FAM81A: variants seen among roughly 807,000 people sequenced by gnomAD.
FAM81A encodes the protein protein FAM81A.
In FAM81A, 19 loss-of-function variants were observed where a neutral mutation model predicts 46.7. The observed-to-expected ratio is 0.41, with a 90% CI of 0.28 to 0.60. The LOEUF (loss-of-function observed/expected upper bound fraction) is 0.60. Ranked by LOEUF, FAM81A falls within the 20% of genes least tolerant of loss-of-function variation. FAM81A has a pLI of 0.34. For synonymous variants in FAM81A, 183 were observed against 152.9 expected (o/e 1.20, Z -1.45); for missense variants, 377 against 453.5 (o/e 0.83, Z 1.53).
chr15:59,453,869 C>T (rs916579272), intron 1 of FAM81A, among the ~76,000 whole-genome samples: 1 of 152,166 alleles, frequency 6.6e-6, no homozygotes, highest in Non-Finnish European at 1.5e-5. Context: ...CCTGCTACTC[C>T]AGCCAGATCC....
Position 59,507,144 on chromosome 15 carries a change from G to A in FAM81A, c.414-69G>A. ...TTGAGTGGGTTTTGCATTTCAGAGT[G>A]TATAAGGAAGCTTTTGCGCATTGTT... is the stretch of plus-strand genomic sequence containing the variant. On this transcript the variant is annotated intron_variant, in intron 4 of 8. Coordinates refer to ENST00000288228, the MANE Select transcript of FAM81A (RefSeq NM_152450.3). 10 of 1,540,114 alleles carry A rather than the reference G, an allele frequency of 6.5e-6. No homozygotes were observed. In the South Asian group the frequency reaches 1.2e-4, roughly 19 times the overall value.
chr15:59,485,436 T>C (rs1252114226), intron 3 of FAM81A, among the ~76,000 whole-genome samples: 1 of 152,174 alleles, frequency 6.6e-6, no homozygotes, highest in Non-Finnish European at 1.5e-5. Context: ...TTTGCTTGTT[T>C]GGGAGAAAGT....
intron 1 of FAM81A, among the ~76,000 whole-genome samples, chr15:59,399,037 C>T (rs1809504): frequency 0.13 from 19,302 of 152,010 alleles, 1,509 homozygotes; most frequent in Middle Eastern, 0.22. Context: ...GATGTGGTGG[C>T]GTGTGCCTGT....
rs375149121 is a variant in FAM81A at position 59,457,919 on chromosome 15, A to G, written c.-77-631A>G. 5.9e-5 allele frequency among the ~76,000 whole-genome samples: 9 copies of G among 152,322 alleles called. No individual in the cohort carries two copies. The East Asian group carries it at 1.7e-3, about 29-fold the overall frequency. On this transcript the variant is annotated intron_variant, in intron 1 of 8. Transcript: ENST00000288228. ...ATCCTCTAGTGTTTTTCACATTTCT[A>G]ATGAGTTGTGGGGACCAAATGTTCC... is the stretch of plus-strand genomic sequence containing the variant.
At chr15:59,501,399 A>G (rs537539894) in intron 4 of FAM81A, among the ~76,000 whole-genome samples, 1 of 152,288 alleles carries the variant, frequency 6.6e-6, no homozygotes, top group South Asian at 2.1e-4. Context: ...ATGCCCTGGG[A>G]CATAAATTGT....
At chr15:59,481,643 G>A (rs2141715346) in intron 3 of FAM81A, among the ~76,000 whole-genome samples, 1 of 151,994 alleles carries the variant, frequency 6.6e-6, no homozygotes, top group East Asian at 1.9e-4. Context: ...CCATAATAAT[G>A]TACCTTGTGA....
At chr15:59,479,553 G>A (rs1336332466) in intron 3 of FAM81A, among the ~76,000 whole-genome samples, 2 of 147,682 alleles carry the variant, frequency 1.4e-5, no homozygotes, top group East Asian at 2.0e-4. Flanking sequence ...GGATGGTAAG[G>A]GAATAAGGTG....
At chr15:59,478,955 C>T (rs1172758904) in intron 3 of FAM81A, among the ~76,000 whole-genome samples, 1 of 152,182 alleles carries the variant, frequency 6.6e-6, no homozygotes, top group Non-Finnish European at 1.5e-5. Context: ...TCTAAGCCTT[C>T]AACTCAGAAG....
chr15:59,444,146 G>C (rs527727324), intron 1 of FAM81A: 2 of 152,350 alleles, frequency 1.3e-5, no homozygotes, highest in South Asian at 4.1e-4. Flanking sequence ...GCAGCGCAGG[G>C]GCTGTGTCTT....
intron 3 of FAM81A, among the ~76,000 whole-genome samples, chr15:59,477,702 A>G (rs182905897): frequency 6.6e-6 from 1 of 152,344 alleles, no homozygotes; most frequent in East Asian, 1.9e-4. Context: ...CATAATCAAG[A>G]GCTCTGGGTC....
At chr15:59,447,892 A>G (rs1216527699) in intron 1 of FAM81A, among the ~76,000 whole-genome samples, 1 of 152,200 alleles carries the variant, frequency 6.6e-6, no homozygotes. Flanking sequence ...AGGAAGGCAG[A>G]TAATTGGTGG....
chr15:59,423,244 G>C (rs1037385018), intron 2 of FAM81A, among the ~76,000 whole-genome samples: 25 of 152,008 alleles, frequency 1.6e-4, no homozygotes, highest in African/African-American at 5.1e-4. Context: ...GACTACAGGC[G>C]CCCGCCAACA....
At chr15:59,427,735 T>C (rs1173170008) in intron 2 of FAM81A, among the ~76,000 whole-genome samples, 1 of 152,240 alleles carries the variant, frequency 6.6e-6, no homozygotes, top group Non-Finnish European at 1.5e-5. Flanking sequence ...AATGACAGGA[T>C]CTCATTCTTT....
chr15:59,485,535 A>G (rs2081907699), intron 3 of FAM81A, among the ~76,000 whole-genome samples: 2 of 152,380 alleles, frequency 1.3e-5, no homozygotes, highest in African/African-American at 4.8e-5. Context: ...TTCTACAAGT[A>G]TGCAAGAACT....
At position 59,464,943 on chromosome 15, in the gene FAM81A, T is replaced by C. The variant is rs192451875; in HGVS notation, c.294+4737T>C. On this transcript the variant is annotated intron_variant, in intron 3 of 8. Coordinates refer to ENST00000288228, the MANE Select transcript of FAM81A (RefSeq NM_152450.3). Reference sequence around the variant, plus strand: ...GTTTTCTTCTAGTAGTTTTATCATGTTGGGCCTTACATTTAGGTCTTTTGT... The same window carrying C: ...GTTTTCTTCTAGTAGTTTTATCATGCTGGGCCTTACATTTAGGTCTTTTGT... 8.1e-4 allele frequency among the ~76,000 whole-genome samples: 123 copies of C among 152,372 alleles called. 2 individuals are homozygous for C. The South Asian group carries it at 0.024, about 30-fold the overall frequency.
chr15:59,507,955 A>G (rs1325646751), intron 5 of FAM81A, among the ~76,000 whole-genome samples: 2 of 152,172 alleles, frequency 1.3e-5, no homozygotes, highest in Non-Finnish European at 2.9e-5. Flanking sequence ...CTTATTTGCT[A>G]TTGTTCGTTT....
At chr15:59,412,562 C>CA (rs34396258) in intron 2 of FAM81A, among the ~76,000 whole-genome samples, 5 of 151,794 alleles carry the variant, frequency 3.3e-5, no homozygotes, top group African/African-American at 9.7e-5. Context: ...CCTATCTCTA[C>CA]AAAAAAATAC....
At chr15:59,459,652 G>C (rs1299821139) in intron 2 of FAM81A, among the ~76,000 whole-genome samples, 2 of 152,072 alleles carry the variant, frequency 1.3e-5, no homozygotes, top group Non-Finnish European at 2.9e-5. Flanking sequence ...TGATAACATA[G>C]ATTATATTGG....
chr15:59,427,634 A>G (rs573951047), intron 2 of FAM81A, among the ~76,000 whole-genome samples: 1 of 152,316 alleles, frequency 6.6e-6, no homozygotes, highest in Non-Finnish European at 1.5e-5. Flanking sequence ...TTTAGCTCCC[A>G]CAAATGAGTG....
Sources: gnomAD v4.1 joint callset for allele counts (sites outside exome capture counted in the v4.1 genomes callset) on GRCh38, gnomAD v4.1.1 for gene constraint, MANE v1.5 for transcripts, NCBI Gene and HGNC (gene_info 2026-07-23, HGNC 2026-07-21) for gene names.